The following MOBP variants were observed in gnomAD, a reference collection of about 807,000 sequenced individuals.
MOBP encodes the protein myelin associated oligodendrocyte basic protein, also known as myelin-associated oligodendrocyte basic protein.
MOBP carries 5 observed loss-of-function variants against 15.0 expected under a neutral mutation model. The ratio of observed to expected loss-of-function variants is 0.33; its 90% CI spans 0.17 to 0.70. The LOEUF is 0.70. MOBP is among the 30% of genes least tolerant of loss of function. MOBP has a pLI of 0.67. For synonymous variants in MOBP, 88 were observed against 99.0 expected, an observed-to-expected ratio of 0.89 and a Z score of 0.66; for missense variants, 188 against 257.8, an observed-to-expected ratio of 0.73 and a Z score of 1.85.
At chr3:39,470,771 GTAGTAGGGGCAGAGT>G (rs761183973) in intron 1 of MOBP, among the ~76,000 whole-genome samples, 122 of 152,222 alleles carry the variant, frequency 8.0e-4, no homozygotes, top group Non-Finnish European at 1.4e-3. Flanking sequence ...GATCTTCCTA[GTAGTAGGGGCAGAGT>G]TAGCTCTGCC....
intron 2 of MOBP, among the ~76,000 whole-genome samples, chr3:39,484,039 G>T (rs1239699531): frequency 6.6e-6 from 1 of 152,170 alleles, no homozygotes; most frequent in Non-Finnish European, 1.5e-5. Flanking sequence ...TCCTCAAAGA[G>T]CTCACGCTGA....
chr3:39,506,565 T>A (rs1348523558), downstream of MOBP, among the ~76,000 whole-genome samples: 1 of 152,162 alleles, frequency 6.6e-6, no homozygotes, highest in Non-Finnish European at 1.5e-5. Context: ...TGTGCGTCAG[T>A]TATCTTACCA....
Position 39,503,013 on chromosome 3 carries a change from C to G in MOBP, c.*133C>G, listed in dbSNP as rs533481597. 1.8e-6 allele frequency: 1 copy of G among 571,076 alleles called. No homozygotes were observed. Among genetic ancestry groups the G allele is most frequent in the South Asian group, 2.4e-5 (1 of 41,730 alleles). 35.4% of individuals were successfully genotyped at this position (571,076 alleles called of 1,614,324 possible). ...GTGTAATCAGCTCCCTCCATTAAAT[C>G]CCCTCTGTTTGAAATACCTAGTGTG... On this transcript the variant is annotated 3_prime_UTR_variant, in exon 4 of 4. Coordinates refer to ENST00000684792, the MANE Select transcript of MOBP (RefSeq NM_001393704.1).
intron 2 of MOBP, among the ~76,000 whole-genome samples, chr3:39,498,661 A>T (rs574156834): frequency 2.6e-5 from 4 of 152,248 alleles, no homozygotes; most frequent in Admixed American, 2.6e-4. Context: ...TGAAAGTTGG[A>T]TGCATTTTCA....
intron 1 of MOBP, among the ~76,000 whole-genome samples, chr3:39,469,186 G>GTATATACATATATACATGTGTC (rs2042424879): frequency 9.8e-6 from 1 of 102,554 alleles, no homozygotes; most frequent in African/African-American, 5.0e-5. Context: ...ACATGTGTGT[G>GTATATACATATATACATGTGTC]TGTGTATATA....
In MOBP at chr3:39,510,299, T is replaced by TA. The variant is rs201611983; in HGVS notation, c.*-3078dup. Among the ~76,000 whole-genome samples, 1,154 of 152,254 alleles carry TA rather than the reference T, an allele frequency of 7.6e-3. 7 individuals carry two copies. Among genetic ancestry groups the TA allele is most frequent in the East Asian group, 0.036 (185 of 5,192 alleles). On this transcript the variant is annotated intron_variant, in intron 4 of 4. Transcript: ENST00000311042. ...TCTTCATTTAAAAAAATTGTTCTGG[T>TA]AAAAAATTATTCGAGTTTTTTTACT...
At chr3:39,475,619 G>C (rs2042535073) in intron 1 of MOBP, among the ~76,000 whole-genome samples, 1 of 152,026 alleles carries the variant, frequency 6.6e-6, no homozygotes, top group Admixed American at 6.6e-5. Context: ...ATTTATATCA[G>C]TATAAGCCCA....
exon 5 of MOBP, chr3:39,515,747 C>T (rs704963): frequency 0.26 from 39,514 of 152,154 alleles, 5,880 homozygotes; most frequent in African/African-American, 0.41. Flanking sequence ...GCTCAAATAT[C>T]GTCTCAGAGG....
chr3:39,513,630 T>C (rs1031227002), exon 5 of MOBP: 1 of 583,868 alleles, frequency 1.7e-6, no homozygotes, highest in African/African-American at 1.9e-5. Context: ...TCTCTGTGTG[T>C]TGTACTCCAG....
In MOBP at chr3:39,474,975, A is replaced by C. The variant is rs185587755; in HGVS notation, c.-88-5065A>C. On this transcript the variant is annotated intron_variant, in intron 1 of 3. Transcript: ENST00000684792. ...TTGATACATTATTAATTAACTGTAG[A>C]CTCTAATCATATTTTACAAGTTTTA... Among the ~76,000 whole-genome samples the C allele has an allele frequency of 2.5e-4, 38 of 152,216 alleles. 1 individual carries two copies. The highest frequency in any genetic ancestry group is 2.4e-3 in the Admixed American group (37 of 15,292).
chr3:39,471,350 C>G (rs1443776186), intron 1 of MOBP, among the ~76,000 whole-genome samples: 1 of 152,020 alleles, frequency 6.6e-6, no homozygotes, highest in Non-Finnish European at 1.5e-5. Flanking sequence ...AGGATGGTCT[C>G]AATCTCCTGA....
At chr3:39,528,109 T>C (rs556955640), downstream of MOBP, 16 of 152,294 alleles carry the variant, frequency 1.1e-4, no homozygotes, top group South Asian at 2.1e-4. Context: ...GAAAAATGGA[T>C]TCATAAACTT....
At chr3:39,470,846 G>T (rs1446715783) in intron 1 of MOBP, among the ~76,000 whole-genome samples, 2 of 152,168 alleles carry the variant, frequency 1.3e-5, no homozygotes, top group Non-Finnish European at 2.9e-5. Flanking sequence ...GATCTTAAAA[G>T]TCTTAAGTTA....
intron 1 of MOBP, among the ~76,000 whole-genome samples, chr3:39,468,999 TATATATAC>T (rs1476468048): frequency 8.9e-6 from 1 of 112,068 alleles, no homozygotes; most frequent in African/African-American, 4.7e-5. Context: ...TATGTGTGTG[TATATATAC>T]ATATATACAT....
At chr3:39,470,478 T>C (rs1181623591) in intron 1 of MOBP, among the ~76,000 whole-genome samples, 1 of 152,216 alleles carries the variant, frequency 6.6e-6, no homozygotes, top group Admixed American at 6.5e-5. Context: ...ACACAGCTAG[T>C]GAATGACAGA....
At chr3:39,471,418 T>C (rs533644021) in intron 1 of MOBP, among the ~76,000 whole-genome samples, 1 of 152,236 alleles carries the variant, frequency 6.6e-6, no homozygotes, top group African/African-American at 2.4e-5. Context: ...CGTGAGCCAC[T>C]GCACCCAGCA....
chr3:39,505,395 A>G (rs2043034794), downstream of MOBP, among the ~76,000 whole-genome samples: 1 of 152,246 alleles, frequency 6.6e-6, no homozygotes, highest in Admixed American at 6.5e-5. Flanking sequence ...AGGTAACAGC[A>G]GAGCTAGAGA....
At chr3:39,492,268 T>C (rs1513219) in intron 2 of MOBP, among the ~76,000 whole-genome samples, 112,777 of 152,012 alleles carry the variant, frequency 0.74, 43,099 homozygotes, top group African/African-American at 0.91. Context: ...CCAGATGAGG[T>C]ACCCCATGGC....
intron 3 of MOBP, among the ~76,000 whole-genome samples, chr3:39,521,113 G>A (rs1375204959): frequency 2.0e-5 from 3 of 151,952 alleles, no homozygotes; most frequent in East Asian, 1.9e-4. Flanking sequence ...CACACCCAGC[G>A]AATTTTTTGT....
Sources: allele counts gnomAD v4.1 joint callset (sites outside exome capture counted in the v4.1 genomes callset), GRCh38; gene constraint gnomAD v4.1.1; transcripts MANE v1.5; gene names NCBI Gene and HGNC (gene_info 2026-07-23, HGNC 2026-07-21).